Variants in NELL1 observed in about 807,000 individuals in gnomAD.
NELL1 encodes protein kinase C-binding protein NELL1.
Under a neutral mutation model 107.4 loss-of-function variants are expected in NELL1, and 76 were observed. The observed-to-expected ratio is 0.71, with a 90% CI of 0.59 to 0.86. The LOEUF is 0.86. NELL1 is among the 40% of genes least tolerant of loss of function. NELL1 has a pLI of 0.00. For missense variants in NELL1, 1,024 were observed against 1,005.5 expected (o/e 1.02, Z -0.25); for synonymous variants, 353 against 341.2 (o/e 1.03, Z -0.38).
At chr11:21,006,256 A>G (rs1344982341) in intron 12 of NELL1, among the ~76,000 whole-genome samples, 1 of 152,028 alleles carries the variant, frequency 6.6e-6, no homozygotes, top group Non-Finnish European at 1.5e-5. Context: ...GGGGGATCCC[A>G]TGATGGGACT....
intron 12 of NELL1, among the ~76,000 whole-genome samples, chr11:21,077,461 G>T (rs114130170): frequency 4.8e-4 from 73 of 152,206 alleles, no homozygotes; most frequent in Middle Eastern, 3.4e-3. Context: ...GCAGAATTAG[G>T]GCCAGGAATG....
At chr11:21,067,288 A>G (rs749456099) in intron 12 of NELL1, among the ~76,000 whole-genome samples, 2 of 152,208 alleles carry the variant, frequency 1.3e-5, no homozygotes, top group African/African-American at 2.4e-5. Flanking sequence ...AAATTTCTGG[A>G]CAGCGCTGAA....
intron 3 of NELL1, among the ~76,000 whole-genome samples, chr11:20,807,265 A>G (rs1590313168): frequency 6.6e-6 from 1 of 152,308 alleles, no homozygotes; most frequent in Non-Finnish European, 1.5e-5. Context: ...CTGCATTAGG[A>G]GGCACCCTAA....
chr11:20,894,811 G>A (rs1849690334), intron 5 of NELL1, among the ~76,000 whole-genome samples: 1 of 152,098 alleles, frequency 6.6e-6, no homozygotes, highest in Admixed American at 6.5e-5. Context: ...ACACTAAAAG[G>A]CATGCACAGA....
chr11:21,023,237 T>G (rs1355827141), intron 12 of NELL1, among the ~76,000 whole-genome samples: 1 of 152,072 alleles, frequency 6.6e-6, no homozygotes, highest in Admixed American at 6.6e-5. Flanking sequence ...GCAGTGTGTG[T>G]TCTTCAGCCA....
chr11:20,753,844 TATATC>T (rs1417284516), intron 2 of NELL1, among the ~76,000 whole-genome samples: 2 of 152,190 alleles, frequency 1.3e-5, no homozygotes, highest in Non-Finnish European at 2.9e-5. Context: ...ATCCCAGGCT[TATATC>T]ATATTTTCTC....
intron 14 of NELL1, among the ~76,000 whole-genome samples, chr11:21,329,301 G>A (rs1218237444): frequency 6.6e-6 from 1 of 152,112 alleles, no homozygotes. Flanking sequence ...CTTTTGCTCA[G>A]TATTTCTCCT....
chr11:21,341,572 T>C (rs780374381), intron 14 of NELL1, among the ~76,000 whole-genome samples: 1 of 152,180 alleles, frequency 6.6e-6, no homozygotes, highest in Non-Finnish European at 1.5e-5. Flanking sequence ...AGTGAATTGA[T>C]ACTGGAGGGT....
chr11:21,100,213 T>C (rs570269657), intron 12 of NELL1, among the ~76,000 whole-genome samples: 2 of 152,184 alleles, frequency 1.3e-5, no homozygotes, highest in Non-Finnish European at 2.9e-5. Context: ...AGACAGGGTT[T>C]CGCCACGTTG....
At chr11:21,197,280 T>C (rs1177626542) in intron 13 of NELL1, among the ~76,000 whole-genome samples, 1 of 152,040 alleles carries the variant, frequency 6.6e-6, no homozygotes, top group Admixed American at 6.6e-5. Context: ...AGTCATTAAG[T>C]AGCAGAGCTG....
At chr11:21,219,394 A>T (rs999248905) in intron 13 of NELL1, among the ~76,000 whole-genome samples, 9 of 152,184 alleles carry the variant, frequency 5.9e-5, no homozygotes, top group Non-Finnish European at 1.0e-4. Context: ...CCCTTGTCAC[A>T]TGATAGCTTG....
At chr11:20,995,649 A>C (rs1852075444) in intron 12 of NELL1, among the ~76,000 whole-genome samples, 1 of 152,116 alleles carries the variant, frequency 6.6e-6, no homozygotes. Flanking sequence ...TCCAGTTCTC[A>C]ACTCAGTTCT....
At chr11:21,097,976 CAAA>C (rs201740361) in intron 12 of NELL1, among the ~76,000 whole-genome samples, 5 of 126,356 alleles carry the variant, frequency 4.0e-5, no homozygotes, top group Admixed American at 8.1e-5. Flanking sequence ...CTCCCAACTC[CAAA>C]AAAAAAAAAA....
At chr11:21,574,912 C>A in intron 19 of NELL1, 60 bp from the exon 20 acceptor site, 2 of 1,426,046 alleles carry the variant, frequency 1.4e-6, no homozygotes, top group Non-Finnish European at 9.9e-7. Flanking sequence ...ATAAAAATTG[C>A]AGACTGCTAA....
At chr11:21,034,444 C>T (rs1479367313) in intron 12 of NELL1, among the ~76,000 whole-genome samples, 1 of 152,156 alleles carries the variant, frequency 6.6e-6, no homozygotes, top group African/African-American at 2.4e-5. Flanking sequence ...ACAGAATATA[C>T]ATTCTTCTCA....
At chr11:21,277,288 A>G (rs1848886988) in intron 14 of NELL1, among the ~76,000 whole-genome samples, 1 of 152,262 alleles carries the variant, frequency 6.6e-6, no homozygotes, top group African/African-American at 2.4e-5. Flanking sequence ...GCCAAAAGAC[A>G]CATGAAAAAA....
chr11:21,056,026 G>A (rs1040154068), intron 12 of NELL1, among the ~76,000 whole-genome samples: 4 of 152,104 alleles, frequency 2.6e-5, no homozygotes, highest in Non-Finnish European at 5.9e-5. Context: ...TAGGCTCTGG[G>A]CCAGACACTC....
At chr11:20,925,195 A>G (rs967073820) in intron 7 of NELL1, among the ~76,000 whole-genome samples, 3 of 152,152 alleles carry the variant, frequency 2.0e-5, no homozygotes, top group Non-Finnish European at 4.4e-5. Context: ...TCAGCAGTGT[A>G]TTTTATCCGT....
intron 16 of NELL1, among the ~76,000 whole-genome samples, chr11:21,558,925 G>A (rs1345049381): frequency 2.0e-5 from 3 of 151,984 alleles, no homozygotes; most frequent in Non-Finnish European, 4.4e-5. Context: ...CACTGAGAAT[G>A]GGATGGGCAT....
Sources: gnomAD v4.1 joint callset for allele counts (sites outside exome capture counted in the v4.1 genomes callset) on GRCh38, gnomAD v4.1.1 for gene constraint, MANE v1.5 for transcripts, NCBI Gene and HGNC (gene_info 2026-07-23, HGNC 2026-07-21) for gene names.